The following ADAM12 variants were observed in gnomAD, a reference collection of about 807,000 sequenced individuals.
ADAM12 encodes the protein ADAM metallopeptidase domain 12, also known as disintegrin and metalloproteinase domain-containing protein 12.
Under a neutral mutation model 106.4 loss-of-function variants are expected in ADAM12, and 70 were observed. The ratio of observed to expected loss-of-function variants is 0.66; its 90% CI spans 0.54 to 0.80. The LOEUF is 0.80. Among genes scored for constraint, ADAM12 ranks in the 30% least tolerant of loss-of-function variants. The pLI, the probability that ADAM12 is intolerant of heterozygous loss-of-function variation, is 0.00. For synonymous variants in ADAM12, 420 were observed against 433.5 expected (o/e 0.97, Z 0.39); for missense variants, 1,010 against 1,171.9 (o/e 0.86, Z 2.02).
At chr10:126,269,766 A>T (rs887808369) in intron 3 of ADAM12, among the ~76,000 whole-genome samples, 1 of 152,130 alleles carries the variant, frequency 6.6e-6, no homozygotes, top group African/African-American at 2.4e-5. Flanking sequence ...ATGTAATGAA[A>T]TGTGGAACTC....
At chr10:126,101,046 T>G (rs200730315) in intron 9 of ADAM12, 26 bp downstream of exon 9, 3 of 1,608,512 alleles carry the variant, frequency 1.9e-6, no homozygotes, top group Non-Finnish European at 2.5e-6. Flanking sequence ...CTTTTTTTTT[T>G]AAGCAGACAA....
At position 126,097,103 on chromosome 10, in the gene ADAM12, C is replaced by T. The variant is rs971798833; in HGVS notation, c.996+1313G>A. Among the ~76,000 whole-genome samples, 4 of 152,244 alleles carry T rather than the reference C, an allele frequency of 2.6e-5. No individual in the cohort carries two copies. In the East Asian group the frequency reaches 7.7e-4, roughly 29 times the overall value. On this transcript the variant is annotated intron_variant, in intron 10 of 22. Transcript: ENST00000448723. ...ATGCTTATGAAGAATTGAGTTCCAG[C>T]TCTAAAAAAAATATGATGCCAACTT...
intron 21 of ADAM12, among the ~76,000 whole-genome samples, chr10:126,032,446 G>C (rs771845816): frequency 3.9e-5 from 6 of 152,140 alleles, no homozygotes; most frequent in Non-Finnish European, 7.3e-5. Context: ...GATGTTTAAA[G>C]GGTAACATTT....
At chr10:126,127,443 AT>A (rs1433757105) in intron 5 of ADAM12, among the ~76,000 whole-genome samples, 1 of 152,208 alleles carries the variant, frequency 6.6e-6, no homozygotes. Flanking sequence ...GGGCACATCT[AT>A]TCCTGCACTA....
At chr10:126,065,730 G>A (rs1403220761) in intron 13 of ADAM12, among the ~76,000 whole-genome samples, 6 of 152,188 alleles carry the variant, frequency 3.9e-5, no homozygotes, top group Non-Finnish European at 5.9e-5. Flanking sequence ...AGATCTGGAA[G>A]TCGAAAGCAA....
chr10:126,135,544 A>G, intron 5 of ADAM12, 40 bp downstream of exon 5: 2 of 1,586,232 alleles, frequency 1.3e-6, no homozygotes, highest in South Asian at 1.1e-5. Flanking sequence ...CCTGCAGTAG[A>G]TGGCTGAAGA....
chr10:126,170,713 G>A (rs1488398130), intron 3 of ADAM12, among the ~76,000 whole-genome samples: 2 of 152,130 alleles, frequency 1.3e-5, no homozygotes, highest in East Asian at 1.9e-4. Flanking sequence ...CTGAATTCTC[G>A]CTGTTGGGTT....
intron 3 of ADAM12, among the ~76,000 whole-genome samples, chr10:126,171,589 G>A (rs903399721): frequency 5.3e-5 from 8 of 152,278 alleles, no homozygotes; most frequent in African/African-American, 1.4e-4. Flanking sequence ...CTTGTTCACC[G>A]CTAAGTCTCC....
intron 10 of ADAM12, among the ~76,000 whole-genome samples, chr10:126,097,092 T>C (rs1422720363): frequency 6.6e-6 from 1 of 152,172 alleles, no homozygotes; most frequent in Non-Finnish European, 1.5e-5. Context: ...TTATGAAGAA[T>C]TGAGTTCCAG....
At chr10:126,245,416 C>T (rs1336031231) in intron 3 of ADAM12, among the ~76,000 whole-genome samples, 2 of 152,180 alleles carry the variant, frequency 1.3e-5, no homozygotes, top group Non-Finnish European at 1.5e-5. Flanking sequence ...TTGGGAACTG[C>T]AGCCCACTAT....
Position 126,013,439 on chromosome 10 carries a change from C to G in ADAM12, c.*3840G>C, listed in dbSNP as rs142696200. 6.6e-5 allele frequency: 10 copies of G among 152,364 alleles called. No individual in the cohort carries two copies. The East Asian group carries it at 1.9e-3, about 29-fold the overall frequency. The allele number at this position is 152,364 out of a possible 1,614,324, so 9.4% of individuals were successfully genotyped here. On this transcript the variant is annotated 3_prime_UTR_variant, in exon 23 of 23. Coordinates refer to ENST00000448723, the MANE Select transcript of ADAM12 (RefSeq NM_001288973.2). This position sits in a 1 kb window ranked among gnomAD's most constrained non-coding sequence, Gnocchi z 4.3. ...AGATAAGTTGATTTTCTGTGGCTAA[C>G]TTCCCCTTCTAATTAGAACAAGACA...
At chr10:126,350,817 C>A (rs10901600) in intron 1 of ADAM12, among the ~76,000 whole-genome samples, 1 of 152,050 alleles carries the variant, frequency 6.6e-6, no homozygotes, top group Non-Finnish European at 1.5e-5. Context: ...CCAGAATTCA[C>A]GCCTCTGGCA....
intron 21 of ADAM12, among the ~76,000 whole-genome samples, chr10:126,023,906 TG>T (rs1452599847): frequency 1.9e-5 from 2 of 107,662 alleles, no homozygotes; most frequent in Admixed American, 8.7e-5. Context: ...AGTGAACTCA[TG>T]GAAAAAAAAA....
chr10:126,058,714 G>A (rs758068794), intron 14 of ADAM12, among the ~76,000 whole-genome samples: 5 of 152,180 alleles, frequency 3.3e-5, no homozygotes, highest in Admixed American at 6.5e-5. Context: ...TCAGGATAGC[G>A]GAGGAGGGGC....
chr10:126,293,072 C>T (rs1960226834), intron 2 of ADAM12, among the ~76,000 whole-genome samples: 2 of 152,342 alleles, frequency 1.3e-5, no homozygotes, highest in African/African-American at 4.8e-5. Flanking sequence ...GACCAAGTTT[C>T]ACAGGCCAGC....
chr10:126,071,881 G>A (rs1172762661), intron 11 of ADAM12, among the ~76,000 whole-genome samples: 1 of 152,230 alleles, frequency 6.6e-6, no homozygotes. Flanking sequence ...TGATGAAGAA[G>A]TGCTTTATCA....
intron 1 of ADAM12, among the ~76,000 whole-genome samples, chr10:126,363,705 A>T (rs1287574975): frequency 6.6e-6 from 1 of 152,190 alleles, no homozygotes; most frequent in African/African-American, 2.4e-5. Flanking sequence ...GACATGGAGA[A>T]GGGCCTGGTC....
At chr10:126,335,216 G>A (rs1854656718) in intron 1 of ADAM12, among the ~76,000 whole-genome samples, 1 of 152,194 alleles carries the variant, frequency 6.6e-6, no homozygotes, top group Non-Finnish European at 1.5e-5. Context: ...AAGCCACCCA[G>A]TGGGCCATTG....
At chr10:126,147,414 T>C (rs1045442901) in intron 4 of ADAM12, among the ~76,000 whole-genome samples, 1 of 152,160 alleles carries the variant, frequency 6.6e-6, no homozygotes, top group Non-Finnish European at 1.5e-5. Context: ...CGGGTGCTTT[T>C]CAAAGCCCAA....
Sources: allele counts gnomAD v4.1 joint callset (sites outside exome capture counted in the v4.1 genomes callset), GRCh38; gene constraint gnomAD v4.1.1; non-coding constraint Gnocchi (gnomAD v3.1); transcripts MANE v1.5; gene names NCBI Gene and HGNC (gene_info 2026-07-23, HGNC 2026-07-21).